The following AK3 variants were observed in gnomAD, a reference collection of about 807,000 sequenced individuals.
AK3 encodes GTP:AMP phosphotransferase AK3, mitochondrial.
Under a neutral mutation model 23.7 loss-of-function variants are expected in AK3, and 27 were observed. The observed-to-expected ratio is 1.14, with a 90% confidence interval of 0.84 to 1.57. The LOEUF is 1.57. Among genes scored for constraint, AK3 ranks in the 40% most tolerant of loss-of-function variants. AK3 has a pLI of 0.00. For synonymous variants in AK3, 159 were observed against 116.0 expected, an observed-to-expected ratio of 1.37 and a Z score of -2.38; for missense variants, 406 against 285.6, an observed-to-expected ratio of 1.42 and a Z score of -3.04.
chr9:4,741,025 G>T lies in AK3; in HGVS notation c.63C>A (p.Gly21=). The part of the protein sequence containing the change: ...VIMGAPGSGK[G]TVSSRITTHF... ...GTGTAGTGATGCGCGACGACACGGTGCCCTTGCCCGAGCCCGGGGCCCCCA... is the reference window on the plus strand; with the variant it reads ...GTGTAGTGATGCGCGACGACACGGTTCCCTTGCCCGAGCCCGGGGCCCCCA... Residue 21 remains glycine, a synonymous_variant, in exon 1 of 5, where the codon GGC becomes GGA. Transcript: ENST00000381809. 1 of 1,586,574 alleles carries T rather than the reference G, an allele frequency of 6.3e-7. No individual in the cohort carries two copies. Among genetic ancestry groups the T allele is most frequent in the Admixed American group, 1.8e-5 (1 of 56,448 alleles).
At chr9:4,735,061 T>C (rs1028771394) in intron 1 of AK3, among the ~76,000 whole-genome samples, 1 of 151,334 alleles carries the variant, frequency 6.6e-6, no homozygotes, top group Non-Finnish European at 1.5e-5. Context: ...TATGGGGTGA[T>C]GGGTATGTTC....
intron 1 of AK3, among the ~76,000 whole-genome samples, chr9:4,724,587 T>C (rs991620173): frequency 2.6e-5 from 4 of 152,110 alleles, no homozygotes; most frequent in East Asian, 3.8e-4. Flanking sequence ...GAGACCAGCT[T>C]AGGCAACATG....
chr9:4,734,315 A>AT (rs2130908498), intron 1 of AK3, among the ~76,000 whole-genome samples: 1 of 37,748 alleles, frequency 2.6e-5, no homozygotes, highest in Admixed American at 2.8e-4. Context: ...GAACTATAAG[A>AT]AAATAAGCCC....
At chr9:4,716,836 C>G (rs1270425172) in intron 4 of AK3, among the ~76,000 whole-genome samples, 2 of 152,116 alleles carry the variant, frequency 1.3e-5, no homozygotes, top group African/African-American at 2.4e-5. Context: ...GAGGCTGAGA[C>G]AGGAGAATTG....
intron 2 of AK3, among the ~76,000 whole-genome samples, chr9:4,721,794 T>C (rs1211210369): frequency 6.6e-6 from 1 of 152,224 alleles, no homozygotes; most frequent in African/African-American, 2.4e-5. Flanking sequence ...AGCACTTATA[T>C]CTGTGCTTAT....
At chr9:4,741,868 G>T (rs1193486538), upstream of AK3, 1 of 148,540 alleles carries the variant, frequency 6.7e-6, no homozygotes. Flanking sequence ...TCCCGCCTTC[G>T]CCCTTCCCTC....
intron 4 of AK3, among the ~76,000 whole-genome samples, chr9:4,714,081 C>A (rs1841646659): frequency 5.3e-4 from 1 of 1,898 alleles, no homozygotes; most frequent in East Asian, 0.022. Context: ...TACACATATA[C>A]ACACCTACAC....
intron 1 of AK3, among the ~76,000 whole-genome samples, chr9:4,724,437 G>A (rs1251934570): frequency 6.6e-6 from 1 of 152,124 alleles, no homozygotes; most frequent in African/African-American, 2.4e-5. Flanking sequence ...ATCAGTATAT[G>A]AATAGCTGTA....
Position 4,715,296 on chromosome 9 carries a change from CAGA to C in AK3, c.564-2203_564-2201del, listed in dbSNP as rs574164403. On this transcript the variant is annotated intron_variant, in intron 4 of 4. Transcript: ENST00000381809. The stretch of plus-strand genomic sequence containing the variant: ...ATTAACAGCAAAAGGCAGCAAAAGC[CAGA>C]AGGAGCCTAGAAAGACTTCTAAAAT... 2.0e-5 allele frequency among the ~76,000 whole-genome samples: 3 copies of C among 150,926 alleles called. No homozygotes were observed. In the East Asian group the frequency reaches 5.8e-4, roughly 29 times the overall value.
intron 4 of AK3, among the ~76,000 whole-genome samples, chr9:4,714,034 A>ACACGCC (rs1841641817): frequency 1.4e-5 from 2 of 141,888 alleles, no homozygotes; most frequent in African/African-American, 5.2e-5. Flanking sequence ...AGCTACACAT[A>ACACGCC]TACATCTACA....
rs1460383785 is a variant in AK3, at chr9:4,713,977, T to C, written c.564-881A>G. 7.2e-3 allele frequency among the ~76,000 whole-genome samples: 15 copies of C among 2,074 alleles called. 1 individual carries two copies. The highest frequency in any genetic ancestry group is 0.019 in the African/African-American group (13 of 680). The allele number at this position is 2,074 out of a possible 152,430, so 1.4% of individuals were successfully genotyped here. On this transcript the variant is annotated intron_variant, in intron 4 of 4. Coordinates refer to ENST00000381809, the MANE Select transcript of AK3 (RefSeq NM_016282.4). ...CTACACATATACACACCTCCACATT[T>C]ACACACCTACACATATACGCCTACA...
chr9:4,724,350 C>T (rs778223037), intron 1 of AK3, among the ~76,000 whole-genome samples: 2 of 152,056 alleles, frequency 1.3e-5, no homozygotes, highest in African/African-American at 4.8e-5. Flanking sequence ...CTCTTCAGGC[C>T]AAGCCCTCTT....
rs1841581515 is a variant in AK3 at position 4,712,282 on chromosome 9, T to A, written c.*694A>T. The A allele has an allele frequency of 6.6e-6, 1 of 152,146 alleles. No homozygotes were observed. The highest frequency in any genetic ancestry group is 2.4e-5 in the African/African-American group (1 of 41,436). The allele number at this position is 152,146 out of a possible 1,614,324, so 9.4% of individuals were successfully genotyped here. A position where few individuals can be genotyped will look rare whatever the true frequency, so the allele number is the denominator to read the frequency against. ...CAATTTTTGACACAAATCATAACCCTCAGTACACAGGTATTTTCAAAGGAA... is the reference window on the plus strand; with the variant it reads ...CAATTTTTGACACAAATCATAACCCACAGTACACAGGTATTTTCAAAGGAA... On this transcript the variant is annotated 3_prime_UTR_variant, in exon 5 of 5. Coordinates refer to ENST00000381809, the MANE Select transcript of AK3 (RefSeq NM_016282.4).
At position 4,713,044 on chromosome 9, in the gene AK3, G is replaced by C; in HGVS notation, c.616C>G (p.Pro206Ala). The C allele has an allele frequency of 6.2e-7, 1 of 1,613,598 alleles. No homozygotes were observed. Among genetic ancestry groups the C allele is most frequent in the Non-Finnish European group, 8.5e-7 (1 of 1,179,730 alleles). The change falls in exon 5 of 5, where the codon CCC becomes GCC. Residue 206 changes from proline to alanine, a missense_variant. By Grantham distance (27) the Pro-to-Ala change is conservative. Transcript: ENST00000381809. ...FSGTETNKIW[P>A]YVYAFLQTKV... ...GTTTGTAGGAAAGCATATACATAGG[G>C]CCAAATCTTGTTGGTTTCTGTTCCG...
intron 3 of AK3, 56 bp downstream of exon 3, chr9:4,719,079 G>C: frequency 1.3e-6 from 2 of 1,591,364 alleles, no homozygotes; most frequent in Non-Finnish European, 1.7e-6. Context: ...ATGTCTGTTA[G>C]GGCAAGAGGA....
upstream of AK3, chr9:4,741,664 C>T (rs1842438787): frequency 6.5e-6 from 1 of 152,742 alleles, no homozygotes; most frequent in South Asian, 2.1e-4. Flanking sequence ...CCGCATCCAC[C>T]CCTCCAACAA....
intron 4 of AK3, among the ~76,000 whole-genome samples, chr9:4,714,701 T>C (rs766769239): frequency 4.6e-5 from 7 of 152,210 alleles, no homozygotes; most frequent in Non-Finnish European, 1.0e-4. Flanking sequence ...TGGAACCAGC[T>C]TCAACAATTG....
At chr9:4,720,556 G>C (rs187328055) in intron 2 of AK3, among the ~76,000 whole-genome samples, 1 of 152,018 alleles carries the variant, frequency 6.6e-6, no homozygotes, top group East Asian at 1.9e-4. Flanking sequence ...AGGGCGTGGT[G>C]GTGCATGCCT....
intron 2 of AK3, among the ~76,000 whole-genome samples, chr9:4,720,617 G>A (rs928535083): frequency 4.0e-5 from 6 of 151,070 alleles, no homozygotes; most frequent in African/African-American, 1.2e-4. Flanking sequence ...CTGAGCTCAG[G>A]AGGTCAAGGC....
Sources: allele counts gnomAD v4.1 joint callset (sites outside exome capture counted in the v4.1 genomes callset), GRCh38; gene constraint gnomAD v4.1.1; transcripts MANE v1.5; gene names NCBI Gene and HGNC (gene_info 2026-07-23, HGNC 2026-07-21).